Variants in PUS1 observed in about 807,000 individuals in gnomAD.
PUS1 encodes pseudouridine synthase 1.
A neutral mutation model predicts 38.5 loss-of-function variants in PUS1; 25 were observed. That is an observed-to-expected ratio of 0.65 (90% confidence interval 0.47 to 0.91). PUS1 has a LOEUF of 0.91. Ranked by LOEUF, PUS1 falls within the 40% of genes least tolerant of loss-of-function variation. PUS1 has a pLI of 0.00. For synonymous variants in PUS1, 282 were observed against 260.4 expected (o/e 1.08, Z -0.80); for missense variants, 597 against 612.3 (o/e 0.97, Z 0.26).
Position 131,929,789 on chromosome 12 carries a change from C to T in PUS1, c.67C>T (p.Pro23Ser). Residue 23 changes from proline to serine, a missense_variant, in exon 1 of 6, where the codon CCG (proline) becomes TCG (serine). Physicochemically the swap from Pro to Ser is moderately conservative, Grantham distance 74 (BLOSUM62 -1). Transcript: ENST00000376649. Reference sequence around the variant, plus strand: ...GTGGACCCTGCGCCTGGGACCGCGTCCGTCCTGGTAATGACCGCGACGCCG... The same window carrying T: ...GTGGACCCTGCGCCTGGGACCGCGTTCGTCCTGGTAATGACCGCGACGCCG... ...GRWTLRLGPR[P>S]SCSPRMAGNA... 1 of 1,589,096 alleles carries T rather than the reference C, an allele frequency of 6.3e-7. No homozygotes were observed. The highest frequency in any genetic ancestry group is 8.5e-7 in the Non-Finnish European group (1 of 1,176,114).
rs1891186813 is a variant in PUS1 at position 131,943,716 on chromosome 12, C to T, written c.*130C>T. 1.3e-6 allele frequency: 1 copy of T among 761,156 alleles called. No individual in the cohort carries two copies. The highest frequency in any genetic ancestry group is 1.7e-5 in the African/African-American group (1 of 58,560). The allele number at this position is 761,156 out of a possible 1,614,324, so 47.2% of individuals were successfully genotyped here. A position where few individuals can be genotyped will look rare whatever the true frequency, so the allele number is the denominator to read the frequency against. On this transcript the variant is annotated 3_prime_UTR_variant, in exon 6 of 6. Transcript: ENST00000376649. ...TTTCCCGGCCATGCCGGCGTTGTAA[C>T]CTCAGGACCTTCCCTTGTAGGAACA... is the stretch of plus-strand genomic sequence containing the variant.
chr12:131,929,761 A>C lies in PUS1; in HGVS notation c.39A>C (p.Gly13=), dbSNP rs1404812515. Residue 13 remains glycine, a synonymous_variant, in exon 1 of 6, where the codon GGA becomes GGC. Coordinates refer to ENST00000376649, the MANE Select transcript of PUS1 (RefSeq NM_025215.6). ...LQLRALLGAF[G]RWTLRLGPRP... is the part of the protein sequence containing the mutation. ...TTCGCGCGCTGTTGGGAGCCTTCGG[A>C]CGGTGGACCCTGCGCCTGGGACCGC... 1 of 1,592,630 alleles carries C rather than the reference A, an allele frequency of 6.3e-7. No individual in the cohort carries two copies. Among genetic ancestry groups the C allele is most frequent in the South Asian group, 1.1e-5 (1 of 89,824 alleles).
At chr12:131,938,499 T>TA (rs1259114433) in intron 3 of PUS1, among the ~76,000 whole-genome samples, 1 of 152,008 alleles carries the variant, frequency 6.6e-6, no homozygotes, top group Non-Finnish European at 1.5e-5. Flanking sequence ...AGAGGTGAAA[T>TA]AAACAAACAG....
In PUS1 at chr12:131,941,341, C is replaced by T. The variant is rs750496712; in HGVS notation, c.594C>T (p.Ala198=). 12 of 1,614,076 alleles carry T rather than the reference C, an allele frequency of 7.4e-6. No individual in the cohort carries two copies. The highest frequency in any genetic ancestry group is 9.3e-6 in the Non-Finnish European group (11 of 1,180,048). ...TTAACTCCAAGAACAGATGTGATGC[C>T]AGGACCTATTGCTACCTGCTGCCCA... ...GGFNSKNRCD[A]RTYCYLLPTF... is the part of the protein sequence containing the mutation. The change falls in exon 5 of 6, where the codon GCC becomes GCT. Residue 198 remains alanine (A), a synonymous_variant. Transcript: ENST00000376649. The surrounding 1 kb of genome is among the most constrained non-coding windows in gnomAD (Gnocchi z 4.4).
intron 3 of PUS1, among the ~76,000 whole-genome samples, chr12:131,938,887 A>C (rs559237472): frequency 6.6e-6 from 1 of 152,008 alleles, no homozygotes; most frequent in South Asian, 2.1e-4. Flanking sequence ...ATGCCCGGCT[A>C]ATTTTTTGTA....
intron 2 of PUS1, among the ~76,000 whole-genome samples, chr12:131,931,075 G>A (rs1220203749): frequency 6.6e-6 from 1 of 152,210 alleles, no homozygotes; most frequent in African/African-American, 2.4e-5. Flanking sequence ...TGCGTGCAGT[G>A]TCTGACTGAA....
intron 2 of PUS1, chr12:131,931,826 T>A: frequency 9.1e-6 from 4 of 437,636 alleles, no homozygotes; most frequent in African/African-American, 2.0e-5. Context: ...CCACTGCACC[T>A]GGCCATAGAT....
At chr12:131,940,254 C>A (rs1394351643) in intron 4 of PUS1, among the ~76,000 whole-genome samples, 1 of 152,134 alleles carries the variant, frequency 6.6e-6, no homozygotes, top group African/African-American at 2.4e-5. Flanking sequence ...TGGTCTCAAA[C>A]TCCTAGGCTC....
Position 131,929,380 on chromosome 12 carries a change from G to A in PUS1, c.-343G>A. The A allele has an allele frequency of 3.4e-6, 1 of 298,220 alleles. No individual in the cohort carries two copies. The highest frequency in any genetic ancestry group is 6.2e-6 in the Non-Finnish European group (1 of 161,228). The allele number at this position is 298,220 out of a possible 1,614,324, so 18.5% of individuals were successfully genotyped here. On this transcript the variant is annotated 5_prime_UTR_variant, in exon 1 of 6. Coordinates refer to ENST00000376649, the MANE Select transcript of PUS1 (RefSeq NM_025215.6). ...GGAAAGCCCACCGGGCGGGGCGGGA[G>A]GTGAAGAGGCTGGGGAAGTCAGAGG...
rs186351996 is a variant in PUS1 at position 131,933,643 on chromosome 12, C to T, written c.441+1331C>T. ...AAGCACATGCCAAGTGGTCCTGTGA[C>T]GCCACATTCCTGTGCTTGGGACTGA... On this transcript the variant is annotated intron_variant, in intron 3 of 5. Coordinates refer to ENST00000376649, the MANE Select transcript of PUS1 (RefSeq NM_025215.6). Among the ~76,000 whole-genome samples the T allele has an allele frequency of 4.3e-4, 66 of 152,366 alleles. No individual in the cohort carries two copies. The East Asian group carries it at 5.8e-3, about 13-fold the overall frequency.
At chr12:131,935,416 G>A (rs1028366067) in intron 3 of PUS1, among the ~76,000 whole-genome samples, 1 of 152,152 alleles carries the variant, frequency 6.6e-6, no homozygotes, top group Admixed American at 6.5e-5. Context: ...ATTCTAATAC[G>A]TTTTCTCACT....
At chr12:131,934,314 G>A (rs564312976) in intron 3 of PUS1, among the ~76,000 whole-genome samples, 2 of 152,276 alleles carry the variant, frequency 1.3e-5, no homozygotes, top group African/African-American at 2.4e-5. Context: ...CCTGGGGAGA[G>A]GGAGACTCCC....
At chr12:131,935,137 G>T (rs1890767929) in intron 3 of PUS1, among the ~76,000 whole-genome samples, 1 of 150,650 alleles carries the variant, frequency 6.6e-6, no homozygotes, top group Non-Finnish European at 1.5e-5. Context: ...CACAAAGAGG[G>T]ATCCACAAGT....
Position 131,939,192 on chromosome 12 carries a change from A to G in PUS1, c.461A>G (p.Gln154Arg). The G allele has an allele frequency of 6.4e-7, 1 of 1,560,220 alleles. No individual in the cohort carries two copies. Among genetic ancestry groups the G allele is most frequent in the Non-Finnish European group, 8.7e-7 (1 of 1,150,866 alleles). ...TTACAGGGTGTGTCCGCAGCCGGCC[A>G]GGTGGTATCCCTGAAGGTGTGGCTG... ...RTDKGVSAAGQVVSLKVWLID... is the reference protein window; with the variant it reads ...RTDKGVSAAGRVVSLKVWLID... Residue 154 changes from glutamine (Q) to arginine (R), a missense_variant, in exon 4 of 6, where the codon CAG (glutamine) becomes CGG (arginine). Physicochemically the swap from Gln to Arg is conservative, Grantham distance 43. Transcript: ENST00000376649.
rs1891262309 is a variant in PUS1 at position 131,945,737 on chromosome 12, T to C, written c.*2151T>C. On this transcript the variant is annotated 3_prime_UTR_variant, in exon 6 of 6. Transcript: ENST00000376649. ...GTCTCAAACTCCTAAGCTCAGGTGATCCACCCGCCTTGGCCTCCCAAAGTG... is the reference window on the plus strand; with the variant it reads ...GTCTCAAACTCCTAAGCTCAGGTGACCCACCCGCCTTGGCCTCCCAAAGTG... 1 of 152,254 alleles carries C rather than the reference T, an allele frequency of 6.6e-6. No homozygotes were observed. Among genetic ancestry groups the C allele is most frequent in the Admixed American group, 6.5e-5 (1 of 15,276 alleles). 9.4% of individuals were successfully genotyped at this position (152,254 alleles called of 1,614,324 possible). A position where few individuals can be genotyped will look rare whatever the true frequency, so the allele number is the denominator to read the frequency against.
chr12:131,941,781 A>T lies in PUS1; in HGVS notation c.1034A>T (p.Gln345Leu). 1 of 1,613,520 alleles carries T rather than the reference A, an allele frequency of 6.2e-7. No individual in the cohort carries two copies. Among genetic ancestry groups the T allele is most frequent in the South Asian group, 1.1e-5 (1 of 91,070 alleles). The change falls in exon 5 of 6, where the codon CAG (glutamine) becomes CTG (leucine). Residue 345 changes from glutamine to leucine, a missense_variant. Physicochemically the swap from Gln to Leu is moderately radical, Grantham distance 113. Coordinates refer to ENST00000376649, the MANE Select transcript of PUS1 (RefSeq NM_025215.6). This position sits in a 1 kb window ranked among gnomAD's most constrained non-coding sequence, Gnocchi z 4.4. ...LERVHFEKYNQRFGNDGLHEP... is the reference protein window; with the variant it reads ...LERVHFEKYNLRFGNDGLHEP... The stretch of plus-strand genomic sequence containing the variant: ...AGGGTGCACTTCGAGAAGTACAACC[A>T]GCGCTTTGGCAACGATGGGCTGCAT...
rs863224176 is a variant in PUS1 at position 131,941,625 on chromosome 12, A to C, written c.878A>C (p.Gln293Pro). 81 of 1,614,230 alleles carry C rather than the reference A, an allele frequency of 5.0e-5. No individual in the cohort carries two copies. The highest frequency in any genetic ancestry group is 6.9e-5 in the Non-Finnish European group (81 of 1,180,036). ...RVKGQSFMMHQIRKMVGLVVA... is the reference protein window; with the variant it reads ...RVKGQSFMMHPIRKMVGLVVA... ...AAGGGCCAGAGCTTCATGATGCATC[A>C]GATCCGGAAGATGGTCGGCCTGGTG... The change falls in exon 5 of 6, where the codon CAG (glutamine) becomes CCG (proline). Residue 293 changes from glutamine (Q) to proline (P), a missense_variant. Physicochemically the swap from Gln to Pro is moderately conservative, Grantham distance 76. Coordinates refer to ENST00000376649, the MANE Select transcript of PUS1 (RefSeq NM_025215.6). This position sits in a 1 kb window ranked among gnomAD's most constrained non-coding sequence, Gnocchi z 4.4.
chr12:131,940,380 G>C (rs2136442101), intron 4 of PUS1, among the ~76,000 whole-genome samples: 1 of 152,272 alleles, frequency 6.6e-6, no homozygotes, highest in East Asian at 1.9e-4. Flanking sequence ...TATGTCAGCA[G>C]TCTGTTCCTT....
chr12:131,938,662 G>A (rs538151008), intron 3 of PUS1, among the ~76,000 whole-genome samples: 1 of 151,424 alleles, frequency 6.6e-6, no homozygotes, highest in Admixed American at 6.6e-5. Flanking sequence ...TCTGCTCTTG[G>A]TTCTAAGTTG....
Sources: allele counts gnomAD v4.1 joint callset (sites outside exome capture counted in the v4.1 genomes callset), GRCh38; gene constraint gnomAD v4.1.1; non-coding constraint Gnocchi (gnomAD v3.1); transcripts MANE v1.5; gene names NCBI Gene and HGNC (gene_info 2026-07-23, HGNC 2026-07-21).